Variants in DCAF8L2 observed in about 807,000 individuals in gnomAD.
DCAF8L2 encodes DDB1- and CUL4-associated factor 8-like protein 2.
For missense variants in DCAF8L2, 430 were observed against 490.7 expected, an observed-to-expected ratio of 0.88 and a Z score of 1.17; for synonymous variants, 200 against 190.9, an observed-to-expected ratio of 1.05 and a Z score of -0.39.
chrX:27,609,007 G>A (rs964516607), intron 1 of DCAF8L2, among the ~76,000 whole-genome samples: 1 of 111,036 alleles, frequency 9.0e-6, no homozygotes, highest in African/African-American at 3.3e-5. Context: ...CATCCCAAAA[G>A]TTATAATTAT....
chrX:27,539,483 C>CT, the DCAF8L2 span, among the ~76,000 whole-genome samples: 1 of 111,729 alleles, frequency 9.0e-6, no homozygotes, highest in Non-Finnish European at 1.9e-5. Flanking sequence ...GCCTTTCTGT[C>CT]TGTGATGTAC....
At chrX:27,661,549 G>C (rs1049290373) in intron 2 of DCAF8L2, among the ~76,000 whole-genome samples, 1 of 111,201 alleles carries the variant, frequency 9.0e-6, no homozygotes, top group African/African-American at 3.3e-5. Flanking sequence ...CAATGTTCCT[G>C]ATATTATGCT....
the DCAF8L2 span, among the ~76,000 whole-genome samples, chrX:27,484,009 T>C: frequency 1.8e-5 from 2 of 111,908 alleles, no homozygotes; most frequent in Non-Finnish European, 3.8e-5. Flanking sequence ...CTAGATGTTA[T>C]TTCAAGGGTA....
At chrX:27,684,197 G>A (rs974167545) in intron 3 of DCAF8L2, among the ~76,000 whole-genome samples, 4 of 111,673 alleles carry the variant, frequency 3.6e-5, no homozygotes, top group Admixed American at 9.6e-5. Context: ...TGGAACCAAA[G>A]GAGAAGAAGT....
intron 2 of DCAF8L2, among the ~76,000 whole-genome samples, chrX:27,667,602 T>A (rs1391934755): frequency 9.0e-6 from 1 of 111,315 alleles, no homozygotes; most frequent in Non-Finnish European, 1.9e-5. Flanking sequence ...CTTGAGCAAA[T>A]CAAATTCTGG....
the DCAF8L2 span, among the ~76,000 whole-genome samples, chrX:27,558,662 G>T: frequency 9.2e-6 from 1 of 109,196 alleles, no homozygotes; most frequent in Non-Finnish European, 1.9e-5. Flanking sequence ...ACAATGTGCA[G>T]GTTAGTTACA....
intron 2 of DCAF8L2, among the ~76,000 whole-genome samples, chrX:27,649,922 C>T (rs1426232070): frequency 9.0e-6 from 1 of 111,450 alleles, no homozygotes; most frequent in Non-Finnish European, 1.9e-5. Flanking sequence ...TTCCAGGATT[C>T]TTATAGTTTG....
intron 1 of DCAF8L2, among the ~76,000 whole-genome samples, chrX:27,590,874 C>T (rs1455418061): frequency 3.8e-5 from 4 of 106,039 alleles, no homozygotes; most frequent in Admixed American, 1.0e-4. Context: ...GAACTCCTGG[C>T]CTCAAGCTAT....
At chrX:27,505,197 C>A in the DCAF8L2 span, among the ~76,000 whole-genome samples, 7 of 111,277 alleles carry the variant, frequency 6.3e-5, no homozygotes, top group South Asian at 2.6e-3. Flanking sequence ...GGAATTAGGA[C>A]CCTCACTTTA....
At chrX:27,502,956 C>T in the DCAF8L2 span, among the ~76,000 whole-genome samples, 1 of 111,801 alleles carries the variant, frequency 8.9e-6, no homozygotes, top group Non-Finnish European at 1.9e-5. Flanking sequence ...GGATACTGTA[C>T]TTCCATACAT....
chrX:27,546,542 T>G, the DCAF8L2 span, among the ~76,000 whole-genome samples: 1 of 112,270 alleles, frequency 8.9e-6, no homozygotes, highest in Admixed American at 9.4e-5. Flanking sequence ...AAGTTCTCCA[T>G]AAGGGGCCTG....
At chrX:27,642,752 T>TA (rs1213264376) in intron 2 of DCAF8L2, among the ~76,000 whole-genome samples, 1 of 112,179 alleles carries the variant, frequency 8.9e-6, no homozygotes, top group African/African-American at 3.2e-5. Flanking sequence ...AATAATAAGA[T>TA]ATGCAGAATA....
intron 3 of DCAF8L2, among the ~76,000 whole-genome samples, chrX:27,694,784 G>A (rs1433533317): frequency 1.8e-5 from 2 of 111,769 alleles, no homozygotes; most frequent in African/African-American, 6.5e-5. Flanking sequence ...TTAGATTGGA[G>A]ATAGTCATAT....
the DCAF8L2 span, among the ~76,000 whole-genome samples, chrX:27,544,160 C>T: frequency 9.0e-6 from 1 of 111,414 alleles, no homozygotes; most frequent in Admixed American, 9.6e-5. Flanking sequence ...CACAAGACCA[C>T]CTTTGCTTGT....
At chrX:27,727,810 T>C (rs954335155) in intron 4 of DCAF8L2, among the ~76,000 whole-genome samples, 1 of 111,984 alleles carries the variant, frequency 8.9e-6, no homozygotes, top group African/African-American at 3.2e-5. Context: ...TTTACTTTTG[T>C]ATTTTTAATC....
At chrX:27,740,232 T>C (rs1369923610) in intron 4 of DCAF8L2, among the ~76,000 whole-genome samples, 1 of 111,904 alleles carries the variant, frequency 8.9e-6, no homozygotes, top group Non-Finnish European at 1.9e-5. Flanking sequence ...CACACCCATA[T>C]TGAACTCATC....
chrX:27,697,193 G>C (rs1456854803), intron 3 of DCAF8L2, among the ~76,000 whole-genome samples: 1 of 111,559 alleles, frequency 9.0e-6, no homozygotes, highest in Admixed American at 9.5e-5. Flanking sequence ...GAAAGGCTTA[G>C]AAAGAACTTT....
intron 3 of DCAF8L2, among the ~76,000 whole-genome samples, chrX:27,693,048 T>G (rs779148563): frequency 2.9e-4 from 32 of 112,209 alleles, no homozygotes; most frequent in African/African-American, 1.0e-3. Flanking sequence ...ACCACATTAC[T>G]GATTAATTCG....
intron 3 of DCAF8L2, among the ~76,000 whole-genome samples, chrX:27,698,273 A>G (rs755911643): frequency 9.0e-6 from 1 of 111,505 alleles, no homozygotes; most frequent in South Asian, 3.8e-4. Context: ...TTGTTTGTTG[A>G]TGCAACAACT....
Sources: allele counts gnomAD v4.1 joint callset (sites outside exome capture counted in the v4.1 genomes callset), GRCh38; gene constraint gnomAD v4.1.1; transcripts MANE v1.5; gene names NCBI Gene and HGNC (gene_info 2026-07-23, HGNC 2026-07-21).